IMMP1L: variants seen among roughly 807,000 people sequenced by gnomAD.
The protein encoded by IMMP1L is inner mitochondrial membrane peptidase subunit 1, also known as mitochondrial inner membrane protease subunit 1.
A neutral mutation model predicts 21.8 loss-of-function variants in IMMP1L; 24 were observed. That is an observed-to-expected ratio of 1.10 (90% CI 0.80 to 1.55). The LOEUF is 1.55. IMMP1L is among the 40% of genes most tolerant of loss of function. The pLI, the probability that IMMP1L is intolerant of heterozygous loss-of-function variation, is 0.00. For synonymous variants in IMMP1L, 46 were observed against 62.8 expected (o/e 0.73, Z 1.26); for missense variants, 195 against 200.7 (o/e 0.97, Z 0.17).
At chr11:31,466,378 A>T (rs1954349138) in intron 1 of IMMP1L, among the ~76,000 whole-genome samples, 1 of 152,064 alleles carries the variant, frequency 6.6e-6, no homozygotes, top group Non-Finnish European at 1.5e-5. Context: ...ATCAAAAAAT[A>T]ATTCTCTCAA....
At chr11:31,478,370 G>A (rs1954789894) in intron 1 of IMMP1L, among the ~76,000 whole-genome samples, 1 of 152,104 alleles carries the variant, frequency 6.6e-6, no homozygotes, top group South Asian at 2.1e-4. Flanking sequence ...TTTATTCTGT[G>A]CTTCTATAAC....
chr11:31,475,922 G>C (rs529499381), intron 1 of IMMP1L, among the ~76,000 whole-genome samples: 2 of 152,158 alleles, frequency 1.3e-5, no homozygotes, highest in African/African-American at 4.8e-5. Context: ...GTAAATACCT[G>C]AATAAAAAGT....
chr11:31,479,995 A>G (rs1252186888), intron 1 of IMMP1L, among the ~76,000 whole-genome samples: 1 of 152,054 alleles, frequency 6.6e-6, no homozygotes. Flanking sequence ...CCATCGATGT[A>G]TAAAAAAAGA....
chr11:31,453,386 A>G (rs1479425486), intron 4 of IMMP1L, among the ~76,000 whole-genome samples: 7 of 152,214 alleles, frequency 4.6e-5, no homozygotes, highest in African/African-American at 1.4e-4. Context: ...AATTCAAAAC[A>G]TATTTTAATA....
chr11:31,493,536 A>G (rs1160398772), intron 1 of IMMP1L, among the ~76,000 whole-genome samples: 1 of 152,056 alleles, frequency 6.6e-6, no homozygotes, highest in Non-Finnish European at 1.5e-5. Context: ...ATTCCACCCC[A>G]GCCCCGCCCA....
chr11:31,452,265 T>C, intron 4 of IMMP1L: 1 of 984,394 alleles, frequency 1.0e-6, no homozygotes, highest in Non-Finnish European at 1.2e-6. Flanking sequence ...TATTTCATAG[T>C]TATCCCATGG....
intron 4 of IMMP1L, chr11:31,452,552 G>A: frequency 2.0e-6 from 2 of 985,364 alleles, no homozygotes; most frequent in Non-Finnish European, 2.4e-6. Context: ...GCTTCAAGCA[G>A]CAAACTGAGG....
intron 1 of IMMP1L, among the ~76,000 whole-genome samples, chr11:31,490,213 C>T (rs1955209446): frequency 6.6e-6 from 1 of 152,132 alleles, no homozygotes; most frequent in Non-Finnish European, 1.5e-5. Context: ...AAGGTTCATG[C>T]CTGTAATCCC....
At chr11:31,488,063 A>G (rs1465959939) in intron 1 of IMMP1L, 1 of 152,150 alleles carries the variant, frequency 6.6e-6, no homozygotes, top group Non-Finnish European at 1.5e-5. Context: ...CAGCATTACA[A>G]CAGTCATAAG....
chr11:31,508,676 A>C (rs970164324), intron 1 of IMMP1L, among the ~76,000 whole-genome samples: 1 of 152,220 alleles, frequency 6.6e-6, no homozygotes, highest in Admixed American at 6.5e-5. Context: ...GCTCTAATTA[A>C]AAGGTATCAC....
intron 4 of IMMP1L, among the ~76,000 whole-genome samples, chr11:31,453,725 G>A (rs1953840868): frequency 6.6e-6 from 1 of 152,232 alleles, no homozygotes; most frequent in African/African-American, 2.4e-5. Context: ...AGAAAAACTG[G>A]CAAGGGAGAA....
chr11:31,440,396 CT>C (rs528274355), intron 4 of IMMP1L, among the ~76,000 whole-genome samples: 18 of 151,906 alleles, frequency 1.2e-4, no homozygotes, highest in Non-Finnish European at 2.2e-4. Flanking sequence ...TTAAAAAAAA[CT>C]TTTTTTTCTT....
At chr11:31,493,272 T>C (rs1955317170) in intron 1 of IMMP1L, among the ~76,000 whole-genome samples, 1 of 152,078 alleles carries the variant, frequency 6.6e-6, no homozygotes, top group East Asian at 1.9e-4. Context: ...CTTACAATCA[T>C]GGTGGAAGGA....
At chr11:31,458,600 C>T (rs1241607971) in intron 3 of IMMP1L, among the ~76,000 whole-genome samples, 2 of 152,010 alleles carry the variant, frequency 1.3e-5, no homozygotes, top group African/African-American at 4.8e-5. Context: ...CAACAGGACA[C>T]CTTGCCAGGG....
chr11:31,433,783 C>A (rs1038890625), intron 4 of IMMP1L: 2 of 393,804 alleles, frequency 5.1e-6, no homozygotes, highest in East Asian at 4.3e-5. Flanking sequence ...AACCTATCAT[C>A]TTTTTTTGTC....
chr11:31,471,332 TC>T, intron 1 of IMMP1L, among the ~76,000 whole-genome samples: 1 of 152,268 alleles, frequency 6.6e-6, no homozygotes, highest in South Asian at 2.1e-4. Context: ...TTTCTCCCTC[TC>T]CTTCCCTCTG....
At chr11:31,473,665 G>A (rs765407224) in intron 1 of IMMP1L, 20 of 652,060 alleles carry the variant, frequency 3.1e-5, no homozygotes, top group Non-Finnish European at 3.6e-5. Flanking sequence ...AGAAATTTCT[G>A]GGCATAGGCA....
chr11:31,505,338 A>G (rs1289784659), intron 1 of IMMP1L, among the ~76,000 whole-genome samples: 1 of 152,214 alleles, frequency 6.6e-6, no homozygotes, highest in Non-Finnish European at 1.5e-5. Flanking sequence ...CACCTTGGAG[A>G]AATTCAAGAG....
intron 1 of IMMP1L, among the ~76,000 whole-genome samples, chr11:31,480,530 T>C (rs1408767489): frequency 1.3e-5 from 2 of 152,040 alleles, no homozygotes; most frequent in Non-Finnish European, 2.9e-5. Flanking sequence ...AACATGTTCT[T>C]AAGGTACTAA....
Sources: gnomAD v4.1 joint callset for allele counts (sites outside exome capture counted in the v4.1 genomes callset) on GRCh38, gnomAD v4.1.1 for gene constraint, MANE v1.5 for transcripts, NCBI Gene and HGNC (gene_info 2026-07-23, HGNC 2026-07-21) for gene names.